The following CENPE variants were observed in gnomAD, a reference collection of about 807,000 sequenced individuals.
The protein encoded by CENPE is centromere protein E.
Under a neutral mutation model 336.1 loss-of-function variants are expected in CENPE, and 145 were observed. The ratio of observed to expected loss-of-function variants is 0.43; its 90% CI spans 0.38 to 0.50. The LOEUF is 0.50. CENPE is among the 20% of genes least tolerant of loss of function. CENPE has a pLI of 0.00. For missense variants in CENPE, 2,719 were observed against 3,023.3 expected, an observed-to-expected ratio of 0.90 and a Z score of 2.36; for synonymous variants, 1,013 against 984.8, an observed-to-expected ratio of 1.03 and a Z score of -0.54.
At chr4:103,143,003 C>CAAAAAAAAAAAAAAAAAAA (rs1168385683) in intron 34 of CENPE, among the ~76,000 whole-genome samples, 1 of 62,976 alleles carries the variant, frequency 1.6e-5, no homozygotes, top group African/African-American at 5.7e-5. Flanking sequence ...GACTCTGTCT[C>CAAAAAAAAAAAAAAAAAAA]AAAAAAAAAA....
At chr4:103,162,680 C>T (rs751186715) in intron 18 of CENPE, among the ~76,000 whole-genome samples, 9 of 151,802 alleles carry the variant, frequency 5.9e-5, no homozygotes, top group Non-Finnish European at 1.2e-4. Context: ...TCAAGCAATC[C>T]TGCCACCTCA....
chr4:103,132,765 C>T lies in CENPE; in HGVS notation c.6852G>A (p.Lys2284=). ...EWLNTRFDIE[K]LKNGIQKEND... is the part of the protein sequence containing the mutation. ...TTTCTTTCTGGATGCCATTTTTAAGCTTTTCTATATCAAAACGAGTATTTA... is the reference window on the plus strand; with the variant it reads ...TTTCTTTCTGGATGCCATTTTTAAGTTTTTCTATATCAAAACGAGTATTTA... The change falls in exon 42 of 49, where the codon AAG becomes AAA. Residue 2284 remains lysine, a synonymous_variant. Transcript: ENST00000265148. 1 of 1,581,146 alleles carries T rather than the reference C, an allele frequency of 6.3e-7. No individual in the cohort carries two copies.
At chr4:103,137,469 A>T (rs182647319) in intron 39 of CENPE, among the ~76,000 whole-genome samples, 41 of 152,326 alleles carry the variant, frequency 2.7e-4, no homozygotes, top group Admixed American at 7.2e-4. Flanking sequence ...TTTATTTTTA[A>T]TAATTTAAGA....
chr4:103,156,450 T>C (rs1753963174), intron 24 of CENPE, among the ~76,000 whole-genome samples: 1 of 152,156 alleles, frequency 6.6e-6, no homozygotes, highest in African/African-American at 2.4e-5. Context: ...CACAGTATCT[T>C]CAACAAGGAT....
chr4:103,159,162 G>C lies in CENPE; in HGVS notation c.2449C>G (p.Gln817Glu). 1 of 1,610,918 alleles carries C rather than the reference G, an allele frequency of 6.2e-7. No homozygotes were observed. The highest frequency in any genetic ancestry group is 8.5e-7 in the Non-Finnish European group (1 of 1,178,752). The change falls in exon 22 of 49, where the codon CAA (glutamine) becomes GAA (glutamate). Residue 817 changes from glutamine (Q) to glutamate (E), a missense_variant. Transcript: ENST00000265148. The part of the protein sequence containing the change: ...TTQSNYKSTD[Q>E]EFQNFKTLHM... ...AGGGTTTTGAAATTTTGGAATTCTT[G>C]ATCAGTGCTTTTATAATTCGACTGT...
intron 43 of CENPE, among the ~76,000 whole-genome samples, chr4:103,120,683 C>A (rs552608087): frequency 6.6e-6 from 1 of 152,190 alleles, no homozygotes; most frequent in South Asian, 2.1e-4. Flanking sequence ...AAACAAAGGA[C>A]ATTGGTTAAT....
rs571738700 is a variant in CENPE, at chr4:103,192,916, T to G, written c.693+1313A>C. On this transcript the variant is annotated intron_variant, in intron 8 of 48. Transcript: ENST00000265148. The stretch of plus-strand genomic sequence containing the variant: ...AAACGTCACAGAATACCTCCAAGTT[T>G]TTTTTTTTTTAATTATTTTTTTAGG... Among the ~76,000 whole-genome samples, 57 of 151,940 alleles carry G rather than the reference T, an allele frequency of 3.8e-4. No homozygotes were observed. The South Asian group carries it at 0.012, about 32-fold the overall frequency.
At chr4:103,141,283 T>C (rs935003125) in intron 35 of CENPE, among the ~76,000 whole-genome samples, 179 bp from the exon 36 acceptor site, 2 of 152,190 alleles carry the variant, frequency 1.3e-5, no homozygotes, top group Admixed American at 6.5e-5. Flanking sequence ...TCATCTTCAA[T>C]GTATAACTTA....
chr4:103,183,865 A>G (rs530337982), intron 9 of CENPE, among the ~76,000 whole-genome samples: 35 of 152,286 alleles, frequency 2.3e-4, no homozygotes, highest in South Asian at 1.0e-3. Context: ...ACTGATATCA[A>G]TAGTAACAGT....
chr4:103,172,721 CAACT>C, intron 16 of CENPE, among the ~76,000 whole-genome samples: 1 of 151,978 alleles, frequency 6.6e-6, no homozygotes, highest in South Asian at 2.1e-4. Context: ...AAAACTGTTA[CAACT>C]AATAAAAAAC....
At chr4:103,182,641 C>T (rs1756418179) in intron 11 of CENPE, 121 bp downstream of exon 11, 2 of 726,644 alleles carry the variant, frequency 2.8e-6, no homozygotes, top group Non-Finnish European at 2.1e-6. Context: ...ATTTAGTAGA[C>T]AACATATCGA....
intron 8 of CENPE, among the ~76,000 whole-genome samples, chr4:103,188,109 T>C (rs931993032): frequency 3.9e-5 from 6 of 152,036 alleles, no homozygotes; most frequent in African/African-American, 1.4e-4. Context: ...CCTAAATATA[T>C]ATGCACCCAA....
Position 103,194,598 on chromosome 4 carries a change from C to A in CENPE, c.559+5G>T. ...GTTCTAAAGAAATACAGCATAAAGTCTTACTTTCTCCCTTTGTAATCCATT... is the reference window on the plus strand; with the variant it reads ...GTTCTAAAGAAATACAGCATAAAGTATTACTTTCTCCCTTTGTAATCCATT... On this transcript the variant is annotated splice_donor_5th_base_variant and intron_variant, in intron 6 of 48. Coordinates refer to ENST00000265148, the MANE Select transcript of CENPE (RefSeq NM_001813.3). The A allele has an allele frequency of 6.2e-7, 1 of 1,601,166 alleles. No individual in the cohort carries two copies. The highest frequency in any genetic ancestry group is 1.1e-5 in the South Asian group (1 of 88,744).
At chr4:103,167,623 A>G (rs1755034016) in intron 16 of CENPE, among the ~76,000 whole-genome samples, 1 of 152,176 alleles carries the variant, frequency 6.6e-6, no homozygotes. Context: ...TATTACAGAC[A>G]AGTCTTTTTG....
In CENPE at chr4:103,194,560, A is replaced by G. The variant is rs72946190; in HGVS notation, c.559+43T>C. ...TCCAAACGTGCTTGATTGAAAAGAT[A>G]GTTTTTACAAGTGTTCTAAAGAAAT... On this transcript the variant is annotated intron_variant, in intron 6 of 48. Transcript: ENST00000265148. 2,798 of 1,521,416 alleles carry G rather than the reference A, an allele frequency of 1.8e-3. 47 individuals carry two copies. In the African/African-American group the frequency reaches 0.034, roughly 19 times the overall value. The allele number at this position is 1,521,416 out of a possible 1,614,324, so 94.2% of individuals were successfully genotyped here.
Position 103,145,503 on chromosome 4 carries a change from TTTC to T in CENPE, c.4572+17_4572+19del. 14 of 1,586,250 alleles carry T rather than the reference TTTC, an allele frequency of 8.8e-6. No individual in the cohort carries two copies. Among genetic ancestry groups the T allele is most frequent in the Non-Finnish European group, 1.2e-5 (14 of 1,166,458 alleles). On this transcript the variant is annotated intron_variant, in intron 31 of 48. Transcript: ENST00000265148. ...CAAACCCACCCATTTCCTCCCACTG[TTTC>T]TTCATCCCCAATTTACCTTGTTCTG...
chr4:103,136,200 G>C lies in CENPE; in HGVS notation c.6463C>G (p.Leu2155Val), dbSNP rs1331951908. The C allele has an allele frequency of 1.2e-6, 2 of 1,613,864 alleles. No individual in the cohort carries two copies. Among genetic ancestry groups the C allele is most frequent in the Admixed American group, 3.3e-5 (2 of 60,010 alleles). Reference sequence around the variant, plus strand: ...GAGCATCTCTGGTTTGCAGTAAAAAGTTTTTCAATGTGTTTGGTTTGTAAA... The same window carrying C: ...GAGCATCTCTGGTTTGCAGTAAAAACTTTTTCAATGTGTTTGGTTTGTAAA... The part of the protein sequence containing the change: ...PYLQTKHIEK[L>V]FTANQRCSME... The change falls in exon 40 of 49, where the codon CTT becomes GTT. Residue 2155 changes from leucine (L) to valine (V), a missense_variant. By Grantham distance (32) the Leu-to-Val change is conservative. Transcript: ENST00000265148.
chr4:103,144,295 CAT>C, intron 33 of CENPE, 34 bp downstream of exon 33: 8 of 1,531,022 alleles, frequency 5.2e-6, no homozygotes, highest in East Asian at 2.3e-5. Context: ...GACTCAATGT[CAT>C]AGTTACTAGA....
intron 2 of CENPE, 132 bp from the exon 3 acceptor site, chr4:103,196,384 A>C (rs1757736082): frequency 2.7e-6 from 2 of 737,674 alleles, no homozygotes; most frequent in Admixed American, 2.6e-5. Flanking sequence ...TTTAAGACAC[A>C]GTATTTTTTT....
Sources: gnomAD v4.1 joint callset for allele counts (sites outside exome capture counted in the v4.1 genomes callset) on GRCh38, gnomAD v4.1.1 for gene constraint, MANE v1.5 for transcripts, NCBI Gene and HGNC (gene_info 2026-07-23, HGNC 2026-07-21) for gene names.